The following SLF1 variants were observed in gnomAD, a reference collection of about 807,000 sequenced individuals.
SLF1 encodes the protein SMC5-SMC6 complex localization factor protein 1.
Under a neutral mutation model 123.0 loss-of-function variants are expected in SLF1, and 105 were observed. That is an observed-to-expected ratio of 0.85 (90% CI 0.73 to 1.00). The LOEUF (loss-of-function observed/expected upper bound fraction) is 1.00, where lower values mean the gene tolerates loss of function less well. Among genes scored for constraint, SLF1 ranks in the 50% least tolerant of loss-of-function variants. The probability of loss-of-function intolerance (pLI) is 0.00; values close to 1 mark genes in which losing one functional copy is unlikely to be tolerated. For synonymous variants in SLF1, 434 were observed against 406.6 expected, an observed-to-expected ratio of 1.07 and a Z score of -0.81; for missense variants, 1,239 against 1,223.0, an observed-to-expected ratio of 1.01 and a Z score of -0.20.
Position 94,670,882 on chromosome 5 carries a change from A to G in SLF1, c.1701A>G (p.Thr567=), listed in dbSNP as rs1230746148. Residue 567 remains threonine, a synonymous_variant, in exon 14 of 21, where the codon ACA becomes ACG. Transcript: ENST00000265140. ...DWSDSQNLKI[T]GKAMLLEIFW... Reference sequence around the variant, plus strand: ...CAGATTCTCAGAATCTGAAAATAACAGGAAAGGCAATGCTTCTTGAAATTT... The same window carrying G: ...CAGATTCTCAGAATCTGAAAATAACGGGAAAGGCAATGCTTCTTGAAATTT... 1 of 1,549,986 alleles carries G rather than the reference A, an allele frequency of 6.5e-7. No homozygotes were observed. Among genetic ancestry groups the G allele is most frequent in the African/African-American group, 1.4e-5 (1 of 72,986 alleles).
intron 15 of SLF1, among the ~76,000 whole-genome samples, chr5:94,681,156 G>T (rs1274260181): frequency 1.5e-4 from 23 of 152,172 alleles, no homozygotes. Context: ...TTGAGACAGA[G>T]TCTTACTCTG....
chr5:94,620,919 A>G (rs751659409), intron 1 of SLF1, among the ~76,000 whole-genome samples: 1 of 152,128 alleles, frequency 6.6e-6, no homozygotes, highest in Admixed American at 6.5e-5. Context: ...AGACTTTCTC[A>G]TATGAATCAC....
At chr5:94,648,607 G>A (rs1223235094) in intron 5 of SLF1, among the ~76,000 whole-genome samples, 9 of 152,260 alleles carry the variant, frequency 5.9e-5, no homozygotes, top group African/African-American at 1.9e-4. Context: ...TCGGCCTCCC[G>A]AGTAGCTGAG....
At chr5:94,677,015 G>T (rs986961852) in intron 14 of SLF1, among the ~76,000 whole-genome samples, 8 of 152,122 alleles carry the variant, frequency 5.3e-5, no homozygotes. Context: ...GGCATAATAT[G>T]TGCTAGTTTG....
chr5:94,646,526 T>C (rs540912755), intron 5 of SLF1, among the ~76,000 whole-genome samples: 1 of 152,328 alleles, frequency 6.6e-6, no homozygotes, highest in East Asian at 1.9e-4. Context: ...TGTAAAACTA[T>C]GTGCAAGGTA....
intron 9 of SLF1, 40 bp from the exon 10 acceptor site, chr5:94,662,258 C>A: frequency 6.7e-7 from 1 of 1,500,378 alleles, no homozygotes; most frequent in South Asian, 1.3e-5. Flanking sequence ...ATTTTTCAAT[C>A]TTAAAATGTT....
At chr5:94,619,468 T>A (rs1024958822) in intron 1 of SLF1, among the ~76,000 whole-genome samples, 1 of 152,122 alleles carries the variant, frequency 6.6e-6, no homozygotes, top group Non-Finnish European at 1.5e-5. Flanking sequence ...TTTCTTCCAC[T>A]TCCAAAGCCT....
At chr5:94,650,382 A>G (rs1309799958) in intron 6 of SLF1, among the ~76,000 whole-genome samples, 6 of 98,376 alleles carry the variant, frequency 6.1e-5, no homozygotes, top group African/African-American at 2.6e-4. Context: ...TTTTTTTTTG[A>G]GACAGAGTCT....
At chr5:94,661,492 A>T (rs1282350661) in intron 9 of SLF1, among the ~76,000 whole-genome samples, 1 of 151,094 alleles carries the variant, frequency 6.6e-6, no homozygotes, top group East Asian at 1.9e-4. Flanking sequence ...AGCACTTCTA[A>T]GTCAGCCATC....
chr5:94,686,100 G>A (rs1752401831), intron 15 of SLF1, among the ~76,000 whole-genome samples: 1 of 151,942 alleles, frequency 6.6e-6, no homozygotes, highest in African/African-American at 2.4e-5. Flanking sequence ...TAAGATTCAT[G>A]GGTGTTGTCA....
chr5:94,657,644 T>G (rs907817026), intron 9 of SLF1, among the ~76,000 whole-genome samples: 1 of 152,142 alleles, frequency 6.6e-6, no homozygotes, highest in Non-Finnish European at 1.5e-5. Flanking sequence ...GGTATTAGAG[T>G]CCCCAATTGT....
intron 15 of SLF1, among the ~76,000 whole-genome samples, chr5:94,684,888 T>C (rs1752239821): frequency 6.6e-6 from 1 of 152,222 alleles, no homozygotes; most frequent in Non-Finnish European, 1.5e-5. Context: ...CAGATCTCTT[T>C]AGTCAAGGCA....
intron 14 of SLF1, among the ~76,000 whole-genome samples, chr5:94,672,387 C>T (rs111835929): frequency 4.2e-4 from 64 of 152,048 alleles, no homozygotes; most frequent in Admixed American, 8.5e-4. Context: ...ATTAAACTTA[C>T]GTTATACCTT....
At chr5:94,660,646 G>T (rs1748991921) in intron 9 of SLF1, among the ~76,000 whole-genome samples, 1 of 152,166 alleles carries the variant, frequency 6.6e-6, no homozygotes, top group Admixed American at 6.5e-5. Flanking sequence ...TGGCGCTTGT[G>T]GGCACCAGTG....
chr5:94,685,899 G>A (rs1030360068), intron 15 of SLF1, among the ~76,000 whole-genome samples: 3 of 151,162 alleles, frequency 2.0e-5, no homozygotes, highest in Admixed American at 6.6e-5. Flanking sequence ...TGAGGAAGTC[G>A]TTATACATGC....
intron 1 of SLF1, among the ~76,000 whole-genome samples, chr5:94,619,456 G>A (rs536693701): frequency 6.6e-6 from 1 of 152,104 alleles, no homozygotes; most frequent in East Asian, 1.9e-4. Context: ...GCTATTTTAA[G>A]ATTTCTTCCA....
chr5:94,675,926 T>TA (rs1554068952), intron 14 of SLF1, among the ~76,000 whole-genome samples: 6 of 148,566 alleles, frequency 4.0e-5, no homozygotes, highest in Admixed American at 6.7e-5. Context: ...TTTTTTTTTT[T>TA]AAATGTTGTT....
intron 4 of SLF1, among the ~76,000 whole-genome samples, chr5:94,640,319 C>A (rs1209749700): frequency 6.6e-6 from 1 of 152,068 alleles, no homozygotes; most frequent in East Asian, 1.9e-4. Context: ...CTTCCACTTT[C>A]TTCTGGCTTA....
chr5:94,651,829 A>G lies in SLF1; in HGVS notation c.866A>G (p.His289Arg), dbSNP rs1747758087. The change falls in exon 7 of 21, where the codon CAT becomes CGT. Residue 289 changes from histidine to arginine, a missense_variant. Physicochemically the swap from His to Arg is conservative, Grantham distance 29 (BLOSUM62 0). Transcript: ENST00000265140. The stretch of plus-strand genomic sequence containing the variant: ...AAAATGAGAAATACCTTTGGAAGCC[A>G]TACATATGAAAATCAGGTACAACTT... ...FVKMRNTFGS[H>R]TYENQKEIKK... The G allele has an allele frequency of 7.0e-7, 1 of 1,422,528 alleles. No individual in the cohort carries two copies. Among genetic ancestry groups the G allele is most frequent in the Non-Finnish European group, 9.4e-7 (1 of 1,066,896 alleles). 88.1% of individuals were successfully genotyped at this position (1,422,528 alleles called of 1,614,324 possible). A position where few individuals can be genotyped will look rare whatever the true frequency, so the allele number is the denominator to read the frequency against.
Sources: allele counts gnomAD v4.1 joint callset (sites outside exome capture counted in the v4.1 genomes callset), GRCh38; gene constraint gnomAD v4.1.1; transcripts MANE v1.5; gene names NCBI Gene and HGNC (gene_info 2026-07-23, HGNC 2026-07-21).